ADGRV1: variants seen among roughly 807,000 people sequenced by gnomAD.
The protein encoded by ADGRV1 is adhesion G protein-coupled receptor V1.
In ADGRV1, 359 loss-of-function variants were observed where a neutral mutation model predicts 596.2. The observed-to-expected ratio is 0.60, with a 90% CI of 0.55 to 0.66. The LOEUF is 0.66. ADGRV1 is among the 30% of genes least tolerant of loss of function. ADGRV1 has a pLI of 0.00. For missense variants in ADGRV1, 7,274 were observed against 7,575.6 expected (o/e 0.96, Z 1.48); for synonymous variants, 2,681 against 2,679.2 (o/e 1.00, Z -0.02).
chr5:90,627,484 G>C lies in ADGRV1; in HGVS notation c.946G>C (p.Ala316Pro), dbSNP rs1400548380. Reference sequence around the variant, plus strand: ...CACAACTGGGAATTCCACAGCACATGCCCAGCAAAATCTGGACTTCATTGA... The same window carrying C: ...CACAACTGGGAATTCCACAGCACATCCCCAGCAAAATCTGGACTTCATTGA... ...AVTTGNSTAH[A>P]QQNLDFIDLQ... Residue 316 changes from alanine to proline, a missense_variant, in exon 7 of 90, where the codon GCC (alanine) becomes CCC (proline). Physicochemically the swap from Ala to Pro is conservative, Grantham distance 27. Around this residue, in one of 5 missense-constraint regions of ADGRV1, gnomAD observed 1,715 missense variants for 1,708.8 expected, o/e 1.00. Coordinates refer to ENST00000405460, the MANE Select transcript of ADGRV1 (RefSeq NM_032119.4). 2 of 1,613,818 alleles carry C rather than the reference G, an allele frequency of 1.2e-6. No individual in the cohort carries two copies. Among genetic ancestry groups the C allele is most frequent in the East Asian group, 4.5e-5 (2 of 44,872 alleles).
chr5:90,576,116 C>CTAT lies in ADGRV1; in HGVS notation c.22+17212_22+17214dup, dbSNP rs768749363. On this transcript the variant is annotated intron_variant, in intron 1 of 89. Coordinates refer to ENST00000405460, the MANE Select transcript of ADGRV1 (RefSeq NM_032119.4). ...CAGTCCTCTGCTTAAGGGTGGGATT[C>CTAT]TATTATTATTATTATACTTTAAGTT... Among the ~76,000 whole-genome samples, 5 of 151,718 alleles carry CTAT rather than the reference C, an allele frequency of 3.3e-5. No homozygotes were observed. The East Asian group carries it at 9.7e-4, about 29-fold the overall frequency.
intron 85 of ADGRV1, among the ~76,000 whole-genome samples, chr5:91,050,303 T>C (rs1786202413): frequency 6.6e-6 from 1 of 152,166 alleles, no homozygotes; most frequent in East Asian, 1.9e-4. Context: ...AGCTCCCTGA[T>C]TTGGTAGTAG....
At chr5:90,738,130 A>G (rs546426318) in intron 50 of ADGRV1, among the ~76,000 whole-genome samples, 11 of 152,180 alleles carry the variant, frequency 7.2e-5, no homozygotes, top group East Asian at 1.9e-4. Context: ...TGAGGCTTAC[A>G]TAAAACATCT....
At chr5:91,051,332 A>G (rs1212865118) in intron 85 of ADGRV1, among the ~76,000 whole-genome samples, 2 of 152,186 alleles carry the variant, frequency 1.3e-5, no homozygotes, top group Non-Finnish European at 2.9e-5. Context: ...CTGTACTTTG[A>G]GTACCCATAC....
At chr5:90,595,713 T>A (rs1760363831) in intron 1 of ADGRV1, among the ~76,000 whole-genome samples, 2 of 120,908 alleles carry the variant, frequency 1.7e-5, no homozygotes, top group South Asian at 5.7e-4. Context: ...GCAGAGGGGC[T>A]CCTCACTTCC....
At chr5:90,795,826 G>T (rs1215763757) in intron 70 of ADGRV1, among the ~76,000 whole-genome samples, 1 of 152,194 alleles carries the variant, frequency 6.6e-6, no homozygotes, top group Non-Finnish European at 1.5e-5. Flanking sequence ...TTGCTGTTCT[G>T]CAGCCTCTGC....
intron 85 of ADGRV1, among the ~76,000 whole-genome samples, chr5:91,030,457 C>T (rs763455503): frequency 4.0e-5 from 6 of 151,858 alleles, no homozygotes; most frequent in African/African-American, 1.5e-4. Context: ...AACTTTTGCT[C>T]GTAAAACTTT....
intron 85 of ADGRV1, among the ~76,000 whole-genome samples, chr5:90,993,272 C>T (rs1781124239): frequency 6.6e-6 from 1 of 151,186 alleles, no homozygotes; most frequent in African/African-American, 2.4e-5. Context: ...GATTCTCCTG[C>T]CTCAGCCTCC....
At chr5:90,751,176 T>A (rs1755207013) in intron 53 of ADGRV1, among the ~76,000 whole-genome samples, 1 of 152,120 alleles carries the variant, frequency 6.6e-6, no homozygotes, top group Non-Finnish European at 1.5e-5. Context: ...TTTGGGGAGA[T>A]ACATCTATGA....
intron 70 of ADGRV1, among the ~76,000 whole-genome samples, chr5:90,795,132 AATG>A (rs1760546375): frequency 7.1e-6 from 1 of 140,970 alleles, no homozygotes; most frequent in Non-Finnish European, 1.5e-5. Flanking sequence ...TGGTGCCTGG[AATG>A]CCAGCGAGAC....
At chr5:90,702,752 A>G (rs944403826) in intron 34 of ADGRV1, among the ~76,000 whole-genome samples, 1 of 151,992 alleles carries the variant, frequency 6.6e-6, no homozygotes, top group African/African-American at 2.4e-5. Flanking sequence ...TTTTTAGTGA[A>G]TGTTTGTGGT....
intron 86 of ADGRV1, chr5:91,092,562 A>C (rs1226872044): frequency 6.6e-6 from 1 of 152,224 alleles, no homozygotes; most frequent in Admixed American, 6.5e-5. Context: ...CAAATATGGG[A>C]GATTCTGGTA....
intron 86 of ADGRV1, among the ~76,000 whole-genome samples, chr5:91,081,906 C>G (rs1789421495): frequency 6.6e-6 from 1 of 152,236 alleles, no homozygotes; most frequent in African/African-American, 2.4e-5. Flanking sequence ...GATATGACTT[C>G]TGATAAAACT....
At chr5:90,708,430 G>A (rs917134420) in intron 38 of ADGRV1, among the ~76,000 whole-genome samples, 1 of 144,618 alleles carries the variant, frequency 6.9e-6, no homozygotes, top group African/African-American at 2.7e-5. Context: ...TCCTTGAACT[G>A]CAGAGCCTTT....
intron 71 of ADGRV1, among the ~76,000 whole-genome samples, chr5:90,803,456 A>G (rs183040674): frequency 1.6e-4 from 24 of 152,298 alleles, no homozygotes; most frequent in Admixed American, 2.6e-4. Flanking sequence ...ATCTGTGGCT[A>G]TGGTAACGTG....
chr5:90,791,334 A>C lies in ADGRV1; in HGVS notation c.14505A>C (p.Pro4835=), dbSNP rs1760056336. The C allele has an allele frequency of 6.4e-7, 1 of 1,559,668 alleles. No individual in the cohort carries two copies. The highest frequency in any genetic ancestry group is 1.4e-5 in the African/African-American group (1 of 73,612). The part of the protein sequence containing the change: ...DGATYKVDVV[P]IKNQVFLSLG... Reference sequence around the variant, plus strand: ...CCACATATAAAGTGGACGTGGTGCCAATAAAGAATCAGGTTTGTGGCATTT... The same window carrying C: ...CCACATATAAAGTGGACGTGGTGCCCATAAAGAATCAGGTTTGTGGCATTT... Residue 4835 remains proline (P), a synonymous_variant, in exon 70 of 90, where the codon CCA becomes CCC. Transcript: ENST00000405460.
chr5:90,819,331 G>A (rs886299678), intron 75 of ADGRV1, among the ~76,000 whole-genome samples: 49 of 151,248 alleles, frequency 3.2e-4, no homozygotes, highest in Admixed American at 1.7e-3. Context: ...TCTTGCTAGC[G>A]GTCTATCTAT....
chr5:90,668,566 G>T (rs904968824), intron 21 of ADGRV1, among the ~76,000 whole-genome samples: 8 of 151,990 alleles, frequency 5.3e-5, no homozygotes, highest in African/African-American at 1.9e-4. Context: ...GAAATCACCC[G>T]TCTTCTGCGT....
At position 90,657,935 on chromosome 5, in the gene ADGRV1, T is replaced by C. The variant is rs1333493704; in HGVS notation, c.4409T>C (p.Ile1470Thr). The change falls in exon 21 of 90, where the codon ATA (isoleucine) becomes ACA (threonine). Residue 1470 changes from isoleucine to threonine, a missense_variant. Ile to Thr is a moderately conservative substitution (Grantham distance 89). This residue lies in a region of ADGRV1 where 38 missense variants were observed against 66.7 expected (regional missense o/e 0.57). Coordinates refer to ENST00000405460, the MANE Select transcript of ADGRV1 (RefSeq NM_032119.4). ...GGGATACTGAGAATTGGAGCAGGGA[T>C]AAATGGCAATGACAGATTTACAGGT... ...GPGILRIGAG[I>T]NGNDRFTGLM... The C allele has an allele frequency of 6.2e-7, 1 of 1,612,524 alleles. No homozygotes were observed. Among genetic ancestry groups the C allele is most frequent in the East Asian group, 2.2e-5 (1 of 44,850 alleles).
Sources: gnomAD v4.1 joint callset for allele counts (sites outside exome capture counted in the v4.1 genomes callset) on GRCh38, gnomAD v4.1.1 for gene constraint, gnomAD v4.1.1 regional missense constraint, MANE v1.5 for transcripts, NCBI Gene and HGNC (gene_info 2026-07-23, HGNC 2026-07-21) for gene names.